The following RNLS variants were observed in gnomAD, a reference collection of about 807,000 sequenced individuals.
The protein encoded by RNLS is renalase.
RNLS carries 39 observed loss-of-function variants against 39.8 expected under a neutral mutation model. The observed-to-expected ratio is 0.98, with a 90% CI of 0.76 to 1.28. RNLS has a LOEUF of 1.28. RNLS is among the 50% of genes most tolerant of loss of function. The pLI, the probability that RNLS is intolerant of heterozygous loss-of-function variation, is 0.00. For synonymous variants in RNLS, 147 were observed against 150.7 expected, an observed-to-expected ratio of 0.98 and a Z score of 0.18; for missense variants, 410 against 413.3, an observed-to-expected ratio of 0.99 and a Z score of 0.07.
At chr10:88,337,840 A>C (rs1847624054) in intron 5 of RNLS, among the ~76,000 whole-genome samples, 1 of 152,138 alleles carries the variant, frequency 6.6e-6, no homozygotes, top group Admixed American at 6.5e-5. Context: ...AGCCTTTAGT[A>C]CTGTGTCTGG....
chr10:88,429,112 G>A (rs1417081921), intron 4 of RNLS, among the ~76,000 whole-genome samples: 1 of 151,870 alleles, frequency 6.6e-6, no homozygotes, highest in East Asian at 1.9e-4. Flanking sequence ...TGTAAAGAGA[G>A]GCAAAGTGAA....
At position 88,581,613 on chromosome 10, in the gene RNLS, T is replaced by C; in HGVS notation, c.321A>G (p.Ala107=). The change falls in exon 3 of 7, where the codon GCA becomes GCG. Residue 107 remains alanine (A), a synonymous_variant. Transcript: ENST00000331772. ...VMKEGDCNFV[A]PQGISSIIKH... is the part of the protein sequence containing the mutation. ...TAATAATTGAAGAAATTCCTTGAGGTGCCACAAAGTTACAGTCTCCTTCTT... is the reference window on the plus strand; with the variant it reads ...TAATAATTGAAGAAATTCCTTGAGGCGCCACAAAGTTACAGTCTCCTTCTT... 4 of 1,608,310 alleles carry C rather than the reference T, an allele frequency of 2.5e-6. No individual in the cohort carries two copies. The highest frequency in any genetic ancestry group is 3.4e-6 in the Non-Finnish European group (4 of 1,177,416).
At chr10:88,548,020 G>A (rs1368721710) in intron 4 of RNLS, among the ~76,000 whole-genome samples, 1 of 151,970 alleles carries the variant, frequency 6.6e-6, no homozygotes, top group Admixed American at 6.6e-5. Flanking sequence ...CCAGCACTTT[G>A]GGAGGCTGAG....
At chr10:88,547,707 A>G (rs1848389711) in intron 4 of RNLS, among the ~76,000 whole-genome samples, 1 of 152,186 alleles carries the variant, frequency 6.6e-6, no homozygotes, top group Non-Finnish European at 1.5e-5. Context: ...GATCTGTTGC[A>G]TTGCATGGGG....
chr10:88,310,943 C>T (rs1323015101), intron 6 of RNLS, among the ~76,000 whole-genome samples: 1 of 151,708 alleles, frequency 6.6e-6, no homozygotes, highest in Non-Finnish European at 1.5e-5. Context: ...GCTTACTATG[C>T]TAGTCCACAT....
intron 4 of RNLS, among the ~76,000 whole-genome samples, chr10:88,405,683 G>C (rs1302576414): frequency 2.0e-5 from 3 of 151,952 alleles, no homozygotes; most frequent in African/African-American, 7.2e-5. Flanking sequence ...GGAGCATTTA[G>C]GCCATTTACA....
chr10:88,407,855 C>A (rs1438114352), intron 4 of RNLS, among the ~76,000 whole-genome samples: 1 of 152,036 alleles, frequency 6.6e-6, no homozygotes, highest in Non-Finnish European at 1.5e-5. Context: ...ACACAGGTGA[C>A]CTGACTTGCA....
intron 4 of RNLS, among the ~76,000 whole-genome samples, chr10:88,433,948 T>C (rs1048860126): frequency 1.3e-5 from 2 of 152,150 alleles, no homozygotes; most frequent in Admixed American, 6.6e-5. Context: ...CAGTGCAATG[T>C]TGTTGCTTAA....
chr10:88,389,587 G>C (rs202023006), intron 4 of RNLS, among the ~76,000 whole-genome samples: 1 of 25,780 alleles, frequency 3.9e-5, no homozygotes, highest in Non-Finnish European at 8.0e-5. Flanking sequence ...ATCCTTTTAG[G>C]GATTTCTTAA....
chr10:88,239,664 C>T, the RNLS span, among the ~76,000 whole-genome samples: 1 of 152,240 alleles, frequency 6.6e-6, no homozygotes. Flanking sequence ...CTGTAGTGTC[C>T]TTTCTTTCCC....
In RNLS at chr10:88,362,568, A is replaced by C. The variant is rs1206115567; in HGVS notation, c.684T>G (p.Asn228Lys). 2 of 1,613,764 alleles carry C rather than the reference A, an allele frequency of 1.2e-6. No homozygotes were observed. The highest frequency in any genetic ancestry group is 3.3e-5 in the Admixed American group (2 of 59,938). Reference sequence around the variant, plus strand: ...GGTACTGACCTATATTGCGCTTCTTATTATCAATGGAGACGAAGCGTATGC... The same window carrying C: ...GGTACTGACCTATATTGCGCTTCTTCTTATCAATGGAGACGAAGCGTATGC... ...NPCIRFVSID[N>K]KKRNIESSEI... is the part of the protein sequence containing the mutation. The change falls in exon 5 of 7, where the codon AAT (asparagine) becomes AAG (lysine). Residue 228 changes from asparagine (N) to lysine (K), a missense_variant. By Grantham distance (94) the Asn-to-Lys change is moderately conservative. Coordinates refer to ENST00000331772, the MANE Select transcript of RNLS (RefSeq NM_001031709.3).
chr10:88,578,262 C>T (rs1272302282), intron 3 of RNLS, among the ~76,000 whole-genome samples: 3 of 151,968 alleles, frequency 2.0e-5, no homozygotes, highest in Non-Finnish European at 4.4e-5. Context: ...TCATTACGCT[C>T]ATTTTTTTCA....
chr10:88,488,989 A>G (rs1844734751), intron 4 of RNLS, among the ~76,000 whole-genome samples: 1 of 152,224 alleles, frequency 6.6e-6, no homozygotes, highest in Admixed American at 6.5e-5. Flanking sequence ...GATTAAAGAG[A>G]GGATCATTAT....
intron 4 of RNLS, among the ~76,000 whole-genome samples, chr10:88,451,479 G>A (rs1842358391): frequency 6.6e-6 from 1 of 152,214 alleles, no homozygotes; most frequent in South Asian, 2.1e-4. Context: ...GTCAAAGAGA[G>A]AAGGGAGCCC....
intron 4 of RNLS, among the ~76,000 whole-genome samples, chr10:88,494,802 G>A (rs986251356): frequency 5.1e-4 from 78 of 152,244 alleles, no homozygotes; most frequent in African/African-American, 1.7e-3. Flanking sequence ...CCTTTCTCTA[G>A]ACCAGACTTA....
At chr10:88,522,641 T>A (rs1196906467) in intron 4 of RNLS, among the ~76,000 whole-genome samples, 1 of 152,074 alleles carries the variant, frequency 6.6e-6, no homozygotes, top group African/African-American at 2.4e-5. Context: ...TTAGGTTCAA[T>A]GTTAGGCCCA....
At position 88,292,591 on chromosome 10, in the gene RNLS, A is replaced by AAAAAC. The variant is rs1554851480; in HGVS notation, c.877-7086_877-7085insGTTTT. ...AACTCACATTAAAAAAAAAAAAAAA[A>AAAAAC]CCTAGTTGCAAAAGACTGTAGATAA... is the stretch of plus-strand genomic sequence containing the variant. On this transcript the variant is annotated intron_variant, in intron 6 of 6. Coordinates refer to ENST00000331772, the MANE Select transcript of RNLS (RefSeq NM_001031709.3). 4.7e-3 allele frequency among the ~76,000 whole-genome samples: 702 copies of AAAAAC among 149,200 alleles called. 4 individuals are homozygous for AAAAAC. The highest frequency in any genetic ancestry group is 0.03 in the South Asian group (142 of 4,716).
the RNLS span, among the ~76,000 whole-genome samples, chr10:88,264,441 TG>T: frequency 6.6e-6 from 1 of 152,224 alleles, no homozygotes; most frequent in Non-Finnish European, 1.5e-5. Context: ...CTACCAGAGG[TG>T]TAAAAGTGTT....
At chr10:88,374,052 T>C (rs1197906324) in intron 4 of RNLS, among the ~76,000 whole-genome samples, 1 of 152,194 alleles carries the variant, frequency 6.6e-6, no homozygotes, top group Admixed American at 6.6e-5. Context: ...TTAGAAATTT[T>C]ATATATTAAT....
Sources: gnomAD v4.1 joint callset for allele counts (sites outside exome capture counted in the v4.1 genomes callset) on GRCh38, gnomAD v4.1.1 for gene constraint, MANE v1.5 for transcripts, NCBI Gene and HGNC (gene_info 2026-07-23, HGNC 2026-07-21) for gene names.